The following GPC5 variants were observed in gnomAD, a reference collection of about 807,000 sequenced individuals.
GPC5 encodes the protein glypican 5, also known as glypican-5.
Under a neutral mutation model 53.9 loss-of-function variants are expected in GPC5, and 47 were observed. The observed-to-expected ratio is 0.87, with a 90% CI of 0.69 to 1.11. GPC5 has a LOEUF of 1.11. GPC5 is among the 50% of genes most tolerant of loss of function. GPC5 has a pLI of 0.00. For missense variants in GPC5, 748 were observed against 713.1 expected (o/e 1.05, Z -0.56); for synonymous variants, 286 against 263.3 (o/e 1.09, Z -0.84).
intron 7 of GPC5, among the ~76,000 whole-genome samples, chr13:92,363,989 G>T (rs2043588910): frequency 6.6e-6 from 1 of 151,714 alleles, no homozygotes; most frequent in African/African-American, 2.4e-5. Flanking sequence ...ACATGCTCAT[G>T]ACTAGGAGAG....
intron 5 of GPC5, among the ~76,000 whole-genome samples, chr13:91,882,084 A>ATC (rs1182484030): frequency 2.0e-5 from 3 of 152,136 alleles, no homozygotes; most frequent in African/African-American, 7.2e-5. Flanking sequence ...TATTCTTTTA[A>ATC]AAAAGAGATA....
chr13:91,848,321 A>G (rs545053145), intron 5 of GPC5, among the ~76,000 whole-genome samples: 40 of 152,356 alleles, frequency 2.6e-4, no homozygotes, highest in Admixed American at 5.9e-4. Flanking sequence ...TATTGTTTGA[A>G]GTAATATTTA....
At chr13:92,550,552 ATG>A (rs1882276694) in intron 7 of GPC5, among the ~76,000 whole-genome samples, 1 of 151,836 alleles carries the variant, frequency 6.6e-6, no homozygotes, top group Non-Finnish European at 1.5e-5. Flanking sequence ...GTAAAGAAAT[ATG>A]TGTCAAGTAA....
chr13:92,854,842 T>C (rs1878942609), intron 7 of GPC5, among the ~76,000 whole-genome samples: 2 of 152,190 alleles, frequency 1.3e-5, no homozygotes, highest in South Asian at 4.1e-4. Context: ...GCAGGTTTTC[T>C]ATTCACTCTA....
At chr13:92,658,241 T>C (rs1347008241) in intron 7 of GPC5, among the ~76,000 whole-genome samples, 1 of 152,160 alleles carries the variant, frequency 6.6e-6, no homozygotes, top group African/African-American at 2.4e-5. Context: ...GTTGTTGAAA[T>C]TGACAGAGCC....
chr13:91,886,078 A>T (rs1018006992), intron 5 of GPC5, among the ~76,000 whole-genome samples: 1 of 152,140 alleles, frequency 6.6e-6, no homozygotes, highest in Non-Finnish European at 1.5e-5. Context: ...CTATAAAGAA[A>T]TACCTGGGAC....
intron 7 of GPC5, among the ~76,000 whole-genome samples, chr13:92,626,298 G>A (rs1885043507): frequency 6.6e-6 from 1 of 152,152 alleles, no homozygotes; most frequent in African/African-American, 2.4e-5. Context: ...GAGCAGTCAA[G>A]GAAGGATATG....
intron 7 of GPC5, among the ~76,000 whole-genome samples, chr13:92,399,662 C>T (rs1252139378): frequency 6.6e-6 from 1 of 152,138 alleles, no homozygotes; most frequent in East Asian, 1.9e-4. Context: ...AGGCATATTG[C>T]AATATTGAGC....
At chr13:92,614,641 G>A (rs1357954351) in intron 7 of GPC5, among the ~76,000 whole-genome samples, 3 of 152,182 alleles carry the variant, frequency 2.0e-5, no homozygotes, top group African/African-American at 7.2e-5. Flanking sequence ...AAGAAAGTTA[G>A]GAGAGTAGCA....
intron 7 of GPC5, among the ~76,000 whole-genome samples, chr13:92,809,703 A>T (rs1877224277): frequency 6.6e-6 from 1 of 152,194 alleles, no homozygotes; most frequent in Admixed American, 6.6e-5. Flanking sequence ...AACATCAAAG[A>T]CCACTGACCA....
intron 6 of GPC5, among the ~76,000 whole-genome samples, chr13:92,105,640 C>A (rs892726445): frequency 2.0e-5 from 3 of 151,880 alleles, no homozygotes; most frequent in Non-Finnish European, 4.4e-5. Flanking sequence ...AATCAAGAAC[C>A]ATTCCAAATG....
intron 2 of GPC5, among the ~76,000 whole-genome samples, chr13:91,541,788 T>C (rs2029944239): frequency 6.6e-6 from 1 of 151,880 alleles, no homozygotes; most frequent in South Asian, 2.1e-4. Context: ...TCATAAAGAG[T>C]AATATGTTAA....
intron 7 of GPC5, among the ~76,000 whole-genome samples, chr13:92,437,720 C>A (rs996180643): frequency 6.6e-6 from 1 of 151,984 alleles, no homozygotes; most frequent in Non-Finnish European, 1.5e-5. Flanking sequence ...TAACTGGACT[C>A]AATTGGGTCC....
At chr13:92,364,062 G>T (rs939475059) in intron 7 of GPC5, among the ~76,000 whole-genome samples, 1 of 151,638 alleles carries the variant, frequency 6.6e-6, no homozygotes, top group Non-Finnish European at 1.5e-5. Flanking sequence ...ATATAAATTG[G>T]TAAATTGAAA....
At chr13:92,572,856 G>A (rs1455525664) in intron 7 of GPC5, among the ~76,000 whole-genome samples, 2 of 152,100 alleles carry the variant, frequency 1.3e-5, no homozygotes, top group Non-Finnish European at 2.9e-5. Flanking sequence ...CTCTATTCCT[G>A]TAGCTCTTCC....
chr13:92,163,774 T>TG (rs11413989), intron 7 of GPC5, among the ~76,000 whole-genome samples: 7,663 of 152,224 alleles, frequency 0.05, 457 homozygotes, highest in African/African-American at 0.14. Flanking sequence ...AAAATGCAAA[T>TG]TAAAATATGA....
At chr13:92,618,506 A>AAGATACACCATGGGTAAGG (rs1884771402) in intron 7 of GPC5, among the ~76,000 whole-genome samples, 1 of 152,026 alleles carries the variant, frequency 6.6e-6, no homozygotes. Context: ...AAAACACAGT[A>AAGATACACCATGGGTAAGG]AGATACACCA....
chr13:91,597,255 T>C (rs2033027906), intron 2 of GPC5, among the ~76,000 whole-genome samples: 1 of 152,212 alleles, frequency 6.6e-6, no homozygotes, highest in Non-Finnish European at 1.5e-5. Context: ...TATTCAATCT[T>C]GGTCAGAAGC....
intron 7 of GPC5, among the ~76,000 whole-genome samples, chr13:92,280,649 A>T (rs1006310591): frequency 3.3e-5 from 5 of 152,326 alleles, no homozygotes; most frequent in Middle Eastern, 3.4e-3. Flanking sequence ...TCAGAGTATG[A>T]CTGTATTAGA....
Sources: allele counts gnomAD v4.1 joint callset (sites outside exome capture counted in the v4.1 genomes callset), GRCh38; gene constraint gnomAD v4.1.1; transcripts MANE v1.5; gene names NCBI Gene and HGNC (gene_info 2026-07-23, HGNC 2026-07-21).